The following GON4L variants were observed in gnomAD, a reference collection of about 807,000 sequenced individuals.
The protein encoded by GON4L is GON-4-like protein.
Under a neutral mutation model 211.8 loss-of-function variants are expected in GON4L, and 87 were observed. That is an observed-to-expected ratio of 0.41 (90% CI 0.35 to 0.49). The LOEUF is 0.49. GON4L is among the 20% of genes least tolerant of loss of function. The pLI is 0.15. For missense variants in GON4L, 2,155 were observed against 2,659.5 expected, an observed-to-expected ratio of 0.81 and a Z score of 4.17; for synonymous variants, 875 against 962.6, an observed-to-expected ratio of 0.91 and a Z score of 1.68.
intron 19 of GON4L, among the ~76,000 whole-genome samples, chr1:155,770,740 T>C (rs927995165): frequency 6.6e-6 from 1 of 151,974 alleles, no homozygotes; most frequent in Non-Finnish European, 1.5e-5. Context: ...TCCAAGCTAC[T>C]TGGGACGCTG....
rs376975764 is a variant in GON4L, at chr1:155,757,287, C to T, written c.5290G>A (p.Asp1764Asn). 86 of 1,613,712 alleles carry T rather than the reference C, an allele frequency of 5.3e-5. No homozygotes were observed. The highest frequency in any genetic ancestry group is 1.7e-4 in the Middle Eastern group (1 of 6,058). ...TQMWQLLKGH[D>N]HLQDEFSIFF... ...ATAGAAAACTCATCCTGCAGGTGGT[C>T]GTGGCCCTTGAGGAGCTGCCACATC... The change falls in exon 26 of 32, where the codon GAC (aspartate) becomes AAC (asparagine). Residue 1764 changes from aspartate to asparagine, a missense_variant. Asp to Asn is a conservative substitution (Grantham distance 23). Coordinates refer to ENST00000368331, the MANE Select transcript of GON4L (RefSeq NM_001282860.2).
intron 14 of GON4L, among the ~76,000 whole-genome samples, chr1:155,778,282 C>T (rs1181653390): frequency 1.3e-5 from 2 of 151,960 alleles, no homozygotes; most frequent in African/African-American, 2.4e-5. Context: ...GACACAGTCT[C>T]GCTCTGTCGC....
chr1:155,762,159 C>T (rs530735982), intron 23 of GON4L, 31 bp downstream of exon 23: 10 of 1,545,680 alleles, frequency 6.5e-6, no homozygotes, highest in African/African-American at 1.4e-5. Flanking sequence ...TTCATAGAGA[C>T]TGGCAATAAC....
chr1:155,772,859 ATG>A (rs1289980815), intron 18 of GON4L, among the ~76,000 whole-genome samples: 8 of 152,158 alleles, frequency 5.3e-5, no homozygotes. Context: ...TGCTTTAAAA[ATG>A]TGTGTGACAT....
intron 2 of GON4L, among the ~76,000 whole-genome samples, chr1:155,844,051 C>A (rs1022352623): frequency 1.3e-5 from 2 of 152,108 alleles, no homozygotes; most frequent in African/African-American, 2.4e-5. Context: ...ATTCATAACC[C>A]CATAAAATCT....
At chr1:155,803,305 C>T (rs1158446685) in intron 11 of GON4L, among the ~76,000 whole-genome samples, 14 of 149,552 alleles carry the variant, frequency 9.4e-5, no homozygotes, top group African/African-American at 2.2e-4. Flanking sequence ...AGCGCAGTGG[C>T]GCAATCTCGG....
In GON4L at chr1:155,776,484, G is replaced by C. The variant is rs763319750; in HGVS notation, c.2092-3C>G. On this transcript the variant is annotated splice_polypyrimidine_tract_variant and splice_region_variant and intron_variant, in intron 15 of 31. Coordinates refer to ENST00000368331, the MANE Select transcript of GON4L (RefSeq NM_001282860.2). ...ATTTGGGTCAAGAGCTGAACGTGCTGGGGATGGAAAGAAAATGATGAAGTG... is the reference window on the plus strand; with the variant it reads ...ATTTGGGTCAAGAGCTGAACGTGCTCGGGATGGAAAGAAAATGATGAAGTG... The C allele has an allele frequency of 6.2e-7, 1 of 1,605,630 alleles. No homozygotes were observed. The highest frequency in any genetic ancestry group is 8.5e-7 in the Non-Finnish European group (1 of 1,172,586).
At chr1:155,847,188 C>T (rs1671328647) in intron 2 of GON4L, among the ~76,000 whole-genome samples, 1 of 152,272 alleles carries the variant, frequency 6.6e-6, no homozygotes, top group East Asian at 1.9e-4. Flanking sequence ...AGTTTTGGAC[C>T]CATAGCTCTA....
chr1:155,752,380 T>G lies in GON4L; in HGVS notation c.6053A>C (p.Glu2018Ala). Reference sequence around the variant, plus strand: ...TGACTCACTCACTGCCTTTTGGCCCTCCCTCTCTTTCTGAAGTCTGGGGGA... The same window carrying G: ...TGACTCACTCACTGCCTTTTGGCCCGCCCTCTCTTTCTGAAGTCTGGGGGA... The part of the protein sequence containing the change: ...KASPRLQKER[E>A]GQKAVSESEA... Residue 2018 changes from glutamate to alanine, a missense_variant, in exon 30 of 32, where the codon GAG becomes GCG. By Grantham distance (107) the Glu-to-Ala change is moderately radical. This residue lies in a region of GON4L where 186 missense variants were observed against 308.1 expected (regional missense o/e 0.60). Coordinates refer to ENST00000368331, the MANE Select transcript of GON4L (RefSeq NM_001282860.2). 6.3e-7 allele frequency: 1 copy of G among 1,593,244 alleles called. No homozygotes were observed. Among genetic ancestry groups the G allele is most frequent in the Non-Finnish European group, 8.6e-7 (1 of 1,168,218 alleles).
chr1:155,757,141 T>TCCC, intron 26 of GON4L, 39 bp downstream of exon 26: 1 of 1,613,586 alleles, frequency 6.2e-7, no homozygotes, highest in Non-Finnish European at 8.5e-7. Context: ...CGTGTGGCCT[T>TCCC]CCCCCTTCAT....
At chr1:155,803,183 T>C (rs1224861373) in intron 11 of GON4L, among the ~76,000 whole-genome samples, 1 of 152,206 alleles carries the variant, frequency 6.6e-6, no homozygotes, top group Non-Finnish European at 1.5e-5. Context: ...TTTTCTTTCA[T>C]TCACTTATCC....
At chr1:155,799,598 C>A (rs757751774) in intron 11 of GON4L, among the ~76,000 whole-genome samples, 1 of 152,296 alleles carries the variant, frequency 6.6e-6, no homozygotes, top group Middle Eastern at 3.4e-3. Flanking sequence ...GATCCCTAGA[C>A]CATACTCATT....
rs1296387057 is a variant in GON4L, at chr1:155,822,375, G to A, written c.799C>T (p.Leu267=). Residue 267 remains leucine (L), a synonymous_variant, in exon 4 of 32, where the codon CTG becomes TTG. Coordinates refer to ENST00000368331, the MANE Select transcript of GON4L (RefSeq NM_001282860.2). ...CGGTCAAGCATGTCATCCAGTTTCA[G>A]GTCATATGCCAAGGTCCCTTCTTGA... is the stretch of plus-strand genomic sequence containing the variant. ...RGQEGTLAYD[L]KLDDMLDRTL... 2 of 1,613,752 alleles carry A rather than the reference G, an allele frequency of 1.2e-6. No homozygotes were observed. The highest frequency in any genetic ancestry group is 4.5e-5 in the East Asian group (2 of 44,896).
chr1:155,748,140 G>A, downstream of GON4L: 1 of 1,583,092 alleles, frequency 6.3e-7, no homozygotes, highest in Non-Finnish European at 8.6e-7. Flanking sequence ...AAGTCTCGGT[G>A]CTCTTGTTCT....
chr1:155,798,471 G>A (rs1666300437), intron 11 of GON4L, among the ~76,000 whole-genome samples: 1 of 149,140 alleles, frequency 6.7e-6, no homozygotes, highest in Non-Finnish European at 1.5e-5. Flanking sequence ...GCACAGAGGG[G>A]CGATCTCGGC....
Position 155,760,623 on chromosome 1 carries a change from G to A in GON4L, c.4930C>T (p.His1644Tyr), listed in dbSNP as rs1403942126. The change falls in exon 24 of 32, where the codon CAT (histidine) becomes TAT (tyrosine). Residue 1644 changes from histidine to tyrosine, a missense_variant. By Grantham distance (83) the His-to-Tyr change is moderately conservative. Coordinates refer to ENST00000368331, the MANE Select transcript of GON4L (RefSeq NM_001282860.2). The stretch of plus-strand genomic sequence containing the variant: ...AAGTCTTCATACTTGCCAGGGATAT[G>A]TTGTAGGGCTTCTCGCACCTACACG... The part of the protein sequence containing the change: ...YLTRVREALQ[H>Y]IPGKYEDFLQ... 2 of 1,612,290 alleles carry A rather than the reference G, an allele frequency of 1.2e-6. No homozygotes were observed. Among genetic ancestry groups the A allele is most frequent in the Admixed American group, 1.7e-5 (1 of 60,012 alleles).
chr1:155,832,536 G>C (rs1390390226), intron 2 of GON4L, among the ~76,000 whole-genome samples: 1 of 152,084 alleles, frequency 6.6e-6, no homozygotes, highest in Admixed American at 6.6e-5. Context: ...CTACTCGGGA[G>C]GCTGAGGCAG....
intron 12 of GON4L, among the ~76,000 whole-genome samples, chr1:155,790,168 C>T (rs1183679489): frequency 3.3e-5 from 5 of 152,106 alleles, no homozygotes; most frequent in Non-Finnish European, 7.4e-5. Flanking sequence ...GGCGCGATCT[C>T]GGCTCACTGC....
chr1:155,785,245 C>G (rs761827635), intron 13 of GON4L, 89 bp downstream of exon 13: 2 of 860,332 alleles, frequency 2.3e-6, no homozygotes, highest in Non-Finnish European at 4.1e-6. Flanking sequence ...ACCCCCTCTC[C>G]TAGAGGGAGC....
Sources: gnomAD v4.1 joint callset for allele counts (sites outside exome capture counted in the v4.1 genomes callset) on GRCh38, gnomAD v4.1.1 for gene constraint, gnomAD v4.1.1 regional missense constraint, MANE v1.5 for transcripts, NCBI Gene and HGNC (gene_info 2026-07-23, HGNC 2026-07-21) for gene names.